The following MRTFA variants were observed in gnomAD, a reference collection of about 807,000 sequenced individuals.
MRTFA encodes myocardin related transcription factor A, also known as myocardin-related transcription factor A.
In MRTFA, 20 loss-of-function variants were observed where a neutral mutation model predicts 83.5. The ratio of observed to expected loss-of-function variants is 0.24; its 90% CI spans 0.17 to 0.35. The LOEUF (loss-of-function observed/expected upper bound fraction) is 0.35, where lower values mean the gene tolerates loss of function less well. MRTFA is among the 10% of genes least tolerant of loss of function. MRTFA has a pLI of 1.00. For missense variants in MRTFA, 1,200 were observed against 1,224.7 expected, an observed-to-expected ratio of 0.98 and a Z score of 0.30; for synonymous variants, 659 against 541.2, an observed-to-expected ratio of 1.22 and a Z score of -3.02.
At chr22:40,597,638 C>T (rs1405579110) in intron 1 of MRTFA, among the ~76,000 whole-genome samples, 1 of 152,192 alleles carries the variant, frequency 6.6e-6, no homozygotes, top group Non-Finnish European at 1.5e-5. Context: ...AGAAGTAAAA[C>T]AGCAGCCTTT....
intron 3 of MRTFA, among the ~76,000 whole-genome samples, chr22:40,499,788 G>A (rs745764161): frequency 2.0e-5 from 3 of 151,916 alleles, no homozygotes; most frequent in Non-Finnish European, 2.9e-5. Context: ...CACCTTAAGG[G>A]TCAAACTGAT....
Position 40,498,252 on chromosome 22 carries a change from C to CATATAT in MRTFA, c.242-34972_242-34967dup, listed in dbSNP as rs200779719. Among the ~76,000 whole-genome samples the CATATAT allele has an allele frequency of 3.0e-3, 229 of 77,536 alleles. 3 individuals carry two copies. The highest frequency in any genetic ancestry group is 0.011 in the African/African-American group (199 of 17,404). 50.9% of individuals were successfully genotyped at this position (77,536 alleles called of 152,430 possible). A position where few individuals can be genotyped will look rare whatever the true frequency, so the allele number is the denominator to read the frequency against. On this transcript the variant is annotated intron_variant, in intron 3 of 14. Coordinates refer to ENST00000355630, the MANE Select transcript of MRTFA (RefSeq NM_020831.6). ...TTTCCACAGTTAACGGTACACACTT[C>CATATAT]ATATATATATATATATATATATTTT...
intron 1 of MRTFA, among the ~76,000 whole-genome samples, chr22:40,623,008 C>T (rs2056541553): frequency 6.6e-6 from 1 of 152,110 alleles, no homozygotes; most frequent in East Asian, 1.9e-4. Flanking sequence ...AGATTCTTTC[C>T]TGAGTAACTA....
chr22:40,532,367 GA>G (rs2055096607), intron 3 of MRTFA, among the ~76,000 whole-genome samples: 1 of 152,156 alleles, frequency 6.6e-6, no homozygotes, highest in Non-Finnish European at 1.5e-5. Flanking sequence ...CAGAGAACTG[GA>G]ATAGACAGGA....
intron 1 of MRTFA, among the ~76,000 whole-genome samples, chr22:40,596,556 C>T (rs1296064241): frequency 6.6e-6 from 1 of 152,134 alleles, no homozygotes; most frequent in Non-Finnish European, 1.5e-5. Context: ...AATCCCAGCA[C>T]TTTGGGAGGC....
intron 3 of MRTFA, among the ~76,000 whole-genome samples, chr22:40,488,920 G>A (rs1036611167): frequency 2.0e-5 from 3 of 152,008 alleles, no homozygotes; most frequent in African/African-American, 7.3e-5. Context: ...CTAACATATT[G>A]TGTTATATCA....
intron 1 of MRTFA, among the ~76,000 whole-genome samples, chr22:40,612,504 T>C (rs1480225136): frequency 6.6e-6 from 1 of 152,202 alleles, no homozygotes; most frequent in Non-Finnish European, 1.5e-5. Flanking sequence ...TTTTGTTTAG[T>C]CCACAGAGTA....
At chr22:40,606,006 AT>A (rs1480049097) in intron 1 of MRTFA, among the ~76,000 whole-genome samples, 1 of 152,210 alleles carries the variant, frequency 6.6e-6, no homozygotes, top group African/African-American at 2.4e-5. Context: ...TCAGGAGACA[AT>A]AAACTCTACG....
chr22:40,607,503 CAAAAA>C (rs369102921), intron 1 of MRTFA, among the ~76,000 whole-genome samples: 1 of 102,096 alleles, frequency 9.8e-6, no homozygotes. Flanking sequence ...GACTCCGTCT[CAAAAA>C]AAAAAAAAAA....
rs1398684517 is a variant in MRTFA at position 40,502,542 on chromosome 22, G to A, written c.242-39256C>T. ...TCACTTCCTAGATGGGATGGCGGCC[G>A]GGCGGAGACGCTCCTCACTTTCCAG... On this transcript the variant is annotated intron_variant, in intron 3 of 14. Coordinates refer to ENST00000355630, the MANE Select transcript of MRTFA (RefSeq NM_020831.6). Among the ~76,000 whole-genome samples the A allele has an allele frequency of 4.2e-5, 6 of 144,258 alleles. No individual in the cohort carries two copies. The East Asian group carries it at 8.9e-4, about 21-fold the overall frequency. 94.6% of individuals were successfully genotyped at this position (144,258 alleles called of 152,430 possible). A position where few individuals can be genotyped will look rare whatever the true frequency, so the allele number is the denominator to read the frequency against.
chr22:40,550,637 C>G (rs771597888), intron 3 of MRTFA, among the ~76,000 whole-genome samples: 11 of 152,126 alleles, frequency 7.2e-5, no homozygotes, highest in Non-Finnish European at 1.5e-4. Flanking sequence ...ATAATTTTCT[C>G]TCATATATAG....
intron 1 of MRTFA, among the ~76,000 whole-genome samples, chr22:40,600,303 C>CTTA (rs1357885900): frequency 6.6e-6 from 1 of 152,144 alleles, no homozygotes; most frequent in East Asian, 1.9e-4. Context: ...ATCCAAGAGT[C>CTTA]TTAAAGGAGT....
chr22:40,591,294 T>C (rs1439449204), intron 2 of MRTFA, among the ~76,000 whole-genome samples: 1 of 149,982 alleles, frequency 6.7e-6, no homozygotes, highest in Non-Finnish European at 1.5e-5. Context: ...AAAAAAAAGA[T>C]AACAACTTTC....
intron 3 of MRTFA, among the ~76,000 whole-genome samples, chr22:40,466,911 A>T (rs2053820508): frequency 6.6e-6 from 1 of 152,070 alleles, no homozygotes; most frequent in African/African-American, 2.4e-5. Context: ...ATTACAGTAA[A>T]GGCATATTCA....
intron 3 of MRTFA, among the ~76,000 whole-genome samples, chr22:40,529,477 C>T (rs1023600451): frequency 5.3e-5 from 8 of 151,974 alleles, no homozygotes; most frequent in South Asian, 2.1e-4. Context: ...CCACCATGCC[C>T]GGCTAACTTT....
At chr22:40,625,217 T>G (rs1165120624) in intron 1 of MRTFA, among the ~76,000 whole-genome samples, 3 of 151,954 alleles carry the variant, frequency 2.0e-5, no homozygotes, top group African/African-American at 7.3e-5. Flanking sequence ...CAGTGGCTCA[T>G]GCCTGTAATC....
At chr22:40,618,105 C>T (rs1305289891) in intron 1 of MRTFA, among the ~76,000 whole-genome samples, 1 of 150,862 alleles carries the variant, frequency 6.6e-6, no homozygotes, top group Admixed American at 6.6e-5. Flanking sequence ...GACGGAGTCT[C>T]GCTCTGTTGC....
intron 3 of MRTFA, among the ~76,000 whole-genome samples, chr22:40,529,034 G>C (rs1418530201): frequency 6.6e-6 from 1 of 152,158 alleles, no homozygotes; most frequent in Non-Finnish European, 1.5e-5. Flanking sequence ...TTTTTCGTCA[G>C]TTCTACAGAC....
chr22:40,515,409 C>T (rs1475891075), intron 3 of MRTFA, among the ~76,000 whole-genome samples: 2 of 151,902 alleles, frequency 1.3e-5, no homozygotes, highest in Non-Finnish European at 2.9e-5. Context: ...TAATCACATA[C>T]TAGGCCGGGT....
Sources: allele counts gnomAD v4.1 joint callset (sites outside exome capture counted in the v4.1 genomes callset), GRCh38; gene constraint gnomAD v4.1.1; transcripts MANE v1.5; gene names NCBI Gene and HGNC (gene_info 2026-07-23, HGNC 2026-07-21).